The following AUTS2 variants were observed in gnomAD, a reference collection of about 807,000 sequenced individuals.
AUTS2 encodes activator of transcription and developmental regulator AUTS2, also known as autism susceptibility gene 2 protein.
A neutral mutation model predicts 112.4 loss-of-function variants in AUTS2; 17 were observed. The ratio of observed to expected loss-of-function variants is 0.15; its 90% CI spans 0.10 to 0.23. AUTS2 has a LOEUF of 0.23. Among genes scored for constraint, AUTS2 ranks in the 10% least tolerant of loss-of-function variants. AUTS2 has a pLI of 1.00. For missense variants in AUTS2, 1,510 were observed against 1,701.6 expected (o/e 0.89, Z 1.98); for synonymous variants, 751 against 702.7 (o/e 1.07, Z -1.09).
intron 4 of AUTS2, among the ~76,000 whole-genome samples, chr7:70,217,218 TTC>T (rs1811216066): frequency 6.6e-6 from 1 of 152,224 alleles, no homozygotes; most frequent in South Asian, 2.1e-4. Flanking sequence ...CTGTCTGTGT[TTC>T]TGTCTTCTGA....
intron 5 of AUTS2, among the ~76,000 whole-genome samples, chr7:70,496,716 A>C (rs1388457593): frequency 6.2e-5 from 7 of 113,238 alleles, no homozygotes; most frequent in Admixed American, 9.4e-5. Context: ...ACACGCACAC[A>C]CCCCACACAT....
At chr7:70,354,714 C>T (rs918143712) in intron 4 of AUTS2, among the ~76,000 whole-genome samples, 1 of 152,062 alleles carries the variant, frequency 6.6e-6, no homozygotes, top group African/African-American at 2.4e-5. Context: ...ATGAGATGGG[C>T]CATAAGTGTA....
intron 1 of AUTS2, among the ~76,000 whole-genome samples, chr7:69,764,016 C>T (rs1788305799): frequency 2.6e-5 from 4 of 152,086 alleles, no homozygotes; most frequent in Admixed American, 2.6e-4. Context: ...ACTTTTAAAG[C>T]CTTTGAGGTC....
At chr7:70,173,721 C>A (rs1299746377) in intron 4 of AUTS2, among the ~76,000 whole-genome samples, 1 of 152,170 alleles carries the variant, frequency 6.6e-6, no homozygotes, top group African/African-American at 2.4e-5. Flanking sequence ...GTAATTCTTG[C>A]ACTATTTCAA....
chr7:69,614,360 CTTTCTTTTTTTAAGA>C (rs1793226362), intron 1 of AUTS2, among the ~76,000 whole-genome samples: 1 of 84,542 alleles, frequency 1.2e-5, no homozygotes, highest in African/African-American at 3.9e-5. Flanking sequence ...TTCTTTCTTT[CTTTCTTTTTTTAAGA>C]GATGGGATCT....
chr7:70,594,568 T>A (rs1437365919), intron 5 of AUTS2, among the ~76,000 whole-genome samples: 2 of 152,184 alleles, frequency 1.3e-5, no homozygotes, highest in African/African-American at 4.8e-5. Context: ...TTCTAGACTC[T>A]GTGTATTCAA....
At chr7:70,470,575 G>T (rs576961647) in intron 5 of AUTS2, among the ~76,000 whole-genome samples, 26 of 152,304 alleles carry the variant, frequency 1.7e-4, no homozygotes, top group African/African-American at 6.0e-4. Context: ...GCAGCATCTG[G>T]CTCATCCCTG....
chr7:69,744,627 C>T (rs1192674058), intron 1 of AUTS2, among the ~76,000 whole-genome samples: 1 of 149,360 alleles, frequency 6.7e-6, no homozygotes, highest in Non-Finnish European at 1.5e-5. Flanking sequence ...GAGCTCAGGA[C>T]TTGGATACCA....
chr7:70,377,671 C>T (rs937172657), intron 4 of AUTS2, among the ~76,000 whole-genome samples: 4 of 151,798 alleles, frequency 2.6e-5, no homozygotes, highest in East Asian at 1.9e-4. Context: ...CAGCATTCTA[C>T]GGTCTGCCTC....
chr7:70,173,378 A>G (rs1014847651), intron 4 of AUTS2, among the ~76,000 whole-genome samples: 4 of 151,962 alleles, frequency 2.6e-5, no homozygotes, highest in South Asian at 2.1e-4. Context: ...AAAAAAAAGA[A>G]AGAGAGAAAG....
At chr7:70,088,934 T>C (rs760983686) in intron 2 of AUTS2, among the ~76,000 whole-genome samples, 10 of 152,188 alleles carry the variant, frequency 6.6e-5, no homozygotes, top group Non-Finnish European at 1.3e-4. Context: ...CATTTTGATA[T>C]GCTGTGTTCT....
intron 4 of AUTS2, among the ~76,000 whole-genome samples, chr7:70,416,745 C>T (rs1055486970): frequency 6.6e-6 from 1 of 152,242 alleles, no homozygotes; most frequent in African/African-American, 2.4e-5. Context: ...TCACGGTCCA[C>T]TCCCAAGGGA....
At chr7:70,681,575 G>T (rs1808214185) in intron 5 of AUTS2, among the ~76,000 whole-genome samples, 1 of 151,770 alleles carries the variant, frequency 6.6e-6, no homozygotes, top group Admixed American at 6.6e-5. Context: ...CCCCCAAGGT[G>T]AAGGATTTCA....
At chr7:70,519,725 G>C (rs1314358844) in intron 5 of AUTS2, among the ~76,000 whole-genome samples, 1 of 152,178 alleles carries the variant, frequency 6.6e-6, no homozygotes, top group African/African-American at 2.4e-5. Context: ...TTGAGACATA[G>C]AGCAGTTGTG....
At position 70,763,053 on chromosome 7, in the gene AUTS2, C is replaced by A. The variant is rs778122677; in HGVS notation, c.926C>A (p.Pro309Gln). 1.2e-6 allele frequency: 2 copies of A among 1,614,022 alleles called. No individual in the cohort carries two copies. Among genetic ancestry groups the A allele is most frequent in the Non-Finnish European group, 1.7e-6 (2 of 1,180,028 alleles). Residue 309 changes from proline (P) to glutamine (Q), a missense_variant, in exon 7 of 19, where the codon CCG becomes CAG. Transcript: ENST00000342771. ...CPQVAQPIPQ[P>Q]QTEPQLRAPS... ...CAGGTCGCACAGCCAATACCCCAGC[C>A]GCAGACGGAGCCCCAACTCCGAGCT...
intron 5 of AUTS2, among the ~76,000 whole-genome samples, chr7:70,646,695 G>A (rs1201979904): frequency 6.6e-6 from 1 of 152,248 alleles, no homozygotes; most frequent in African/African-American, 2.4e-5. Context: ...AGACTGTGCC[G>A]CTGACAGCTG....
rs148648268 is a variant in AUTS2 at position 70,189,451 on chromosome 7, T to C, written c.660+54880T>C. On this transcript the variant is annotated intron_variant, in intron 4 of 18. Transcript: ENST00000342771. ...AAGTAATTCCATGACAACTTGTTAC[T>C]GAGGAAGACAGCCAAATACATATTT... 1.8e-3 allele frequency among the ~76,000 whole-genome samples: 267 copies of C among 152,342 alleles called. 1 individual carries two copies. The highest frequency in any genetic ancestry group is 5.9e-3 in the African/African-American group (245 of 41,582).
chr7:70,041,443 A>G (rs1263573030), intron 2 of AUTS2, among the ~76,000 whole-genome samples: 5 of 152,124 alleles, frequency 3.3e-5, no homozygotes, highest in South Asian at 2.1e-4. Flanking sequence ...CTCTGTACTA[A>G]TGATAAGAAT....
intron 5 of AUTS2, among the ~76,000 whole-genome samples, chr7:70,483,086 A>G (rs1156880022): frequency 1.3e-5 from 2 of 152,096 alleles, no homozygotes; most frequent in Non-Finnish European, 2.9e-5. Flanking sequence ...TTGGAGATCA[A>G]GCTTTAGAGG....
Sources: allele counts gnomAD v4.1 joint callset (sites outside exome capture counted in the v4.1 genomes callset), GRCh38; gene constraint gnomAD v4.1.1; transcripts MANE v1.5; gene names NCBI Gene and HGNC (gene_info 2026-07-23, HGNC 2026-07-21).